Variants in DOCK6 observed in about 807,000 individuals in gnomAD.
DOCK6 encodes the protein dedicator of cytokinesis 6, also known as dedicator of cytokinesis protein 6.
Under a neutral mutation model 230.3 loss-of-function variants are expected in DOCK6, and 167 were observed. The ratio of observed to expected loss-of-function variants is 0.73; its 90% CI spans 0.64 to 0.82. The LOEUF (loss-of-function observed/expected upper bound fraction) is 0.82. Among genes scored for constraint, DOCK6 ranks in the 40% least tolerant of loss-of-function variants. The pLI is 0.00. For synonymous variants in DOCK6, 1,148 were observed against 1,185.0 expected, an observed-to-expected ratio of 0.97 and a Z score of 0.64; for missense variants, 2,598 against 2,825.8, an observed-to-expected ratio of 0.92 and a Z score of 1.83.
chr19:11,215,480 C>T lies in DOCK6; in HGVS notation c.4022-9G>A, dbSNP rs1469221445. 7.5e-6 allele frequency: 12 copies of T among 1,610,172 alleles called. No homozygotes were observed. Among genetic ancestry groups the T allele is most frequent in the Middle Eastern group, 1.6e-4 (1 of 6,082 alleles). ...CCCAAACGGGCTCCTCTCTGAGACG[C>T]GTGGGTGCACGATCACAGATGCGTA... On this transcript the variant is annotated splice_polypyrimidine_tract_variant and intron_variant, in intron 31 of 47. Transcript: ENST00000294618.
chr19:11,222,760 G>A lies in DOCK6; in HGVS notation c.3215C>T (p.Pro1072Leu). ...CPLSPPASPS[P>L]SVSSTTSQSS... ...CTGGGAGGTGGTGGAGGACACAGAG[G>A]GGGAGGGCGAGGCTGGAGGTGACAG... is the stretch of plus-strand genomic sequence containing the variant. Residue 1072 changes from proline (P) to leucine (L), a missense_variant, in exon 26 of 48, where the codon CCC (proline) becomes CTC (leucine). By Grantham distance (98) the Pro-to-Leu change is moderately conservative. Transcript: ENST00000294618. This position sits in a 1 kb window ranked among gnomAD's most constrained non-coding sequence, Gnocchi z 4.0. 6.3e-7 allele frequency: 1 copy of A among 1,578,940 alleles called. No individual in the cohort carries two copies. Among genetic ancestry groups the A allele is most frequent in the Non-Finnish European group, 8.6e-7 (1 of 1,162,558 alleles).
Position 11,237,564 on chromosome 19 carries a change from A to G in DOCK6, c.1972-7T>C. 3 of 1,456,256 alleles carry G rather than the reference A, an allele frequency of 2.1e-6. No individual in the cohort carries two copies. In the South Asian group the frequency reaches 3.4e-5, roughly 17 times the overall value. 90.2% of individuals were successfully genotyped at this position (1,456,256 alleles called of 1,614,324 possible). A position where few individuals can be genotyped will look rare whatever the true frequency, so the allele number is the denominator to read the frequency against. ...GCTGCAGCAGTGGGATCCACTGGGG[A>G]GAGGCTGGAGGTCAGGTCTGCGGCC... On this transcript the variant is annotated splice_polypyrimidine_tract_variant and splice_region_variant and intron_variant, in intron 17 of 47. Transcript: ENST00000294618.
chr19:11,234,547 T>A (rs1212727520), intron 21 of DOCK6, among the ~76,000 whole-genome samples: 1 of 151,854 alleles, frequency 6.6e-6, no homozygotes, highest in Non-Finnish European at 1.5e-5. Flanking sequence ...GGGTTCACTA[T>A]GTGCTAACCA....
Position 11,204,062 on chromosome 19 carries a change from TCCA to T in DOCK6, c.5235+16_5235+18del, listed in dbSNP as rs1363569244. 3 of 1,549,148 alleles carry T rather than the reference TCCA, an allele frequency of 1.9e-6. No homozygotes were observed. The highest frequency in any genetic ancestry group is 2.6e-6 in the Non-Finnish European group (3 of 1,146,654). On this transcript the variant is annotated intron_variant, in intron 41 of 47. Coordinates refer to ENST00000294618, the MANE Select transcript of DOCK6 (RefSeq NM_020812.4). ...CGGGGGTCCCAGAGGCAGGTGGCTG[TCCA>T]CCAAGGCTGACTCACCTCCCAGCCG...
At position 11,204,478 on chromosome 19, in the gene DOCK6, A is replaced by AGATAGGG. The variant is rs2079225045; in HGVS notation, c.5089-154_5089-148dup. The AGATAGGG allele has an allele frequency of 6.5e-6, 7 of 1,083,920 alleles. No individual in the cohort carries two copies. The South Asian group carries it at 1.2e-4, about 19-fold the overall frequency. 67.1% of individuals were successfully genotyped at this position (1,083,920 alleles called of 1,614,324 possible). ...AGCCCACCCTGACCACCCCTATCCC[A>AGATAGGG]GATAGGGGTTGAGCCTTTCCACTCA... On this transcript the variant is annotated intron_variant, in intron 39 of 47. Coordinates refer to ENST00000294618, the MANE Select transcript of DOCK6 (RefSeq NM_020812.4).
intron 1 of DOCK6, among the ~76,000 whole-genome samples, chr19:11,261,310 T>A (rs1026111303): frequency 1.3e-5 from 2 of 152,076 alleles, no homozygotes; most frequent in African/African-American, 4.8e-5. Flanking sequence ...CATCCAGGCC[T>A]TCCTGACCCA....
Position 11,238,246 on chromosome 19 carries a change from G to C in DOCK6, c.1702C>G (p.Arg568Gly). Residue 568 changes from arginine to glycine, a missense_variant, in exon 15 of 48, where the codon CGC becomes GGC. Physicochemically the swap from Arg to Gly is moderately radical, Grantham distance 125. Transcript: ENST00000294618. ...LNFSSRQGSV[R>G]NLAVRVQYMT... is the part of the protein sequence containing the mutation. ...TACTGCACTCGCACAGCAAGGTTGC[G>C]CACGGAGCCCTGGCGGCTGCTGAAG... 1 of 1,613,288 alleles carries C rather than the reference G, an allele frequency of 6.2e-7. No individual in the cohort carries two copies. The highest frequency in any genetic ancestry group is 8.5e-7 in the Non-Finnish European group (1 of 1,179,478).
intron 39 of DOCK6, 99 bp from the exon 40 acceptor site, chr19:11,204,430 A>C: frequency 6.8e-7 from 1 of 1,470,800 alleles, no homozygotes; most frequent in Non-Finnish European, 9.1e-7. Flanking sequence ...GCTCCTACCC[A>C]CCCTCCATCA....
chr19:11,244,343 C>A (rs974662077), intron 9 of DOCK6, among the ~76,000 whole-genome samples: 18 of 147,320 alleles, frequency 1.2e-4, no homozygotes, highest in Admixed American at 1.0e-3. Context: ...GGCTGAAGTG[C>A]GTGATGGGAT....
At position 11,237,486 on chromosome 19, in the gene DOCK6, C is replaced by T. The variant is rs373707024; in HGVS notation, c.2043G>A (p.Pro681=). 2.9e-5 allele frequency: 46 copies of T among 1,613,326 alleles called. No individual in the cohort carries two copies. Among genetic ancestry groups the T allele is most frequent in the Non-Finnish European group, 3.6e-5 (42 of 1,179,814 alleles). The change falls in exon 18 of 48, where the codon CCG becomes CCA. Residue 681 remains proline, a synonymous_variant. Coordinates refer to ENST00000294618, the MANE Select transcript of DOCK6 (RefSeq NM_020812.4). ...GTGTGAGCACGGAATAGCTGGGCGG[C>T]GGCTGGTCCACAGACACTGGGAGAC... The part of the protein sequence containing the change: ...PFCLPVSVDQ[P]PPSYSVLTPD...
chr19:11,201,867 C>G lies in DOCK6; in HGVS notation c.5688+22G>C. 6.5e-7 allele frequency: 1 copy of G among 1,534,244 alleles called. No individual in the cohort carries two copies. The highest frequency in any genetic ancestry group is 8.8e-7 in the Non-Finnish European group (1 of 1,135,542). ...TGTCCCCTCACCTCCCCACCCCCGC[C>G]AGGCCCAGGATCCCCACCCACCTCC... On this transcript the variant is annotated intron_variant, in intron 44 of 47. Transcript: ENST00000294618. This position sits in a 1 kb window ranked among gnomAD's most constrained non-coding sequence, Gnocchi z 4.3.
chr19:11,218,271 C>T (rs140992154), intron 28 of DOCK6, among the ~76,000 whole-genome samples: 2 of 152,090 alleles, frequency 1.3e-5, no homozygotes, highest in African/African-American at 4.8e-5. Flanking sequence ...CTCAGCCTCC[C>T]GAGTAGCTGG....
intron 39 of DOCK6, among the ~76,000 whole-genome samples, chr19:11,206,900 G>C (rs376432936): frequency 2.6e-5 from 4 of 151,974 alleles, no homozygotes; most frequent in African/African-American, 9.6e-5. Flanking sequence ...CTGGAGTGCA[G>C]TGGGCATGAT....
At chr19:11,251,796 G>T in intron 5 of DOCK6, 1 of 289,610 alleles carries the variant, frequency 3.5e-6, no homozygotes, top group South Asian at 5.3e-5. Flanking sequence ...TTGGTATACA[G>T]TAGGTGCTCA....
rs1016615437 is a variant in DOCK6 at position 11,222,280 on chromosome 19, G to A, written c.3241-32C>T. The A allele has an allele frequency of 6.3e-7, 1 of 1,576,508 alleles. No individual in the cohort carries two copies. The highest frequency in any genetic ancestry group is 8.6e-7 in the Non-Finnish European group (1 of 1,161,082). The stretch of plus-strand genomic sequence containing the variant: ...AGTGGGGGAAAAATGGGGGATGCCA[G>A]CGGTCAAGGGTCAGAGGTGGCAGGT... On this transcript the variant is annotated intron_variant, in intron 26 of 47. Transcript: ENST00000294618. This position sits in a 1 kb window ranked among gnomAD's most constrained non-coding sequence, Gnocchi z 4.0.
At chr19:11,237,816 G>C (rs2079875702) in intron 16 of DOCK6, 37 bp from the exon 17 acceptor site, 1 of 1,538,908 alleles carries the variant, frequency 6.5e-7, no homozygotes, top group Admixed American at 2.0e-5. Flanking sequence ...CTGGGGGCTG[G>C]GGTCCCCACT....
chr19:11,254,048 T>C, intron 1 of DOCK6: 1 of 266,664 alleles, frequency 3.8e-6, no homozygotes, highest in Non-Finnish European at 7.0e-6. Context: ...CTCCCTCATC[T>C]GGGGGACCTC....
intron 22 of DOCK6, among the ~76,000 whole-genome samples, chr19:11,229,702 A>G (rs2079732768): frequency 6.6e-6 from 1 of 151,928 alleles, no homozygotes; most frequent in Non-Finnish European, 1.5e-5. Flanking sequence ...GGGTGAGTCA[A>G]GATCAAGGTG....
Position 11,215,878 on chromosome 19 carries a change from A to T in DOCK6, c.3944T>A (p.Leu1315Gln). 1 of 1,613,758 alleles carries T rather than the reference A, an allele frequency of 6.2e-7. No homozygotes were observed. Among genetic ancestry groups the T allele is most frequent in the Non-Finnish European group, 8.5e-7 (1 of 1,179,804 alleles). The change falls in exon 31 of 48, where the codon CTG becomes CAG. Residue 1315 changes from leucine to glutamine, a missense_variant. Transcript: ENST00000294618. ...TTCCTCTAGCCGCGCCTTCATATCC[A>T]GAGATTTTTTGAATGTGAGGCTGTT... ...RINSLTFKKSLDMKARLEEAI... is the reference protein window; with the variant it reads ...RINSLTFKKSQDMKARLEEAI...
Sources: allele counts gnomAD v4.1 joint callset (sites outside exome capture counted in the v4.1 genomes callset), GRCh38; gene constraint gnomAD v4.1.1; non-coding constraint Gnocchi (gnomAD v3.1); transcripts MANE v1.5; gene names NCBI Gene and HGNC (gene_info 2026-07-23, HGNC 2026-07-21).